GOLGA4: variants seen among roughly 807,000 people sequenced by gnomAD.
The protein encoded by GOLGA4 is golgin subfamily A member 4.
Under a neutral mutation model 265.9 loss-of-function variants are expected in GOLGA4, and 169 were observed. That is an observed-to-expected ratio of 0.64 (90% CI 0.56 to 0.72). The LOEUF is 0.72. Ranked by LOEUF, GOLGA4 falls within the 30% of genes least tolerant of loss-of-function variation. The pLI, the probability that GOLGA4 is intolerant of heterozygous loss-of-function variation, is 0.00. For missense variants in GOLGA4, 2,482 were observed against 2,483.4 expected, an observed-to-expected ratio of 1.00 and a Z score of 0.01; for synonymous variants, 923 against 855.8, an observed-to-expected ratio of 1.08 and a Z score of -1.37.
Position 37,276,173 on chromosome 3 carries a change from A to G in GOLGA4, c.163-5785A>G, listed in dbSNP as rs145010105. The G allele has an allele frequency of 6.7e-5, 107 of 1,595,184 alleles. 1 individual carries two copies. In the East Asian group the frequency reaches 2.1e-3, roughly 32 times the overall value. On this transcript the variant is annotated intron_variant, in intron 2 of 23. Transcript: ENST00000361924. Reference sequence around the variant, plus strand: ...TCGAACAGGGGATGACTACATTGCAATTGGAGCTGATGAGGAAGAATTAGG... The same window carrying G: ...TCGAACAGGGGATGACTACATTGCAGTTGGAGCTGATGAGGAAGAATTAGG...
chr3:37,328,493 C>T lies in GOLGA4; in HGVS notation c.6017C>T (p.Ala2006Val), dbSNP rs150286587. The change falls in exon 15 of 24, where the codon GCA becomes GTA. Residue 2006 changes from alanine (A) to valine (V), a missense_variant. By Grantham distance (64) the Ala-to-Val change is moderately conservative. Transcript: ENST00000361924. Reference sequence around the variant, plus strand: ...ATGAGGGAGTTTAATACACAGCTGGCACAAAAGGAACAAGAGCTGGAAATG... The same window carrying T: ...ATGAGGGAGTTTAATACACAGCTGGTACAAAAGGAACAAGAGCTGGAAATG... ...QLMREFNTQL[A>V]QKEQELEMTI... 95 of 1,612,134 alleles carry T rather than the reference C, an allele frequency of 5.9e-5. 1 individual carries two copies. The African/African-American group carries it at 1.2e-3, about 20-fold the overall frequency.
intron 21 of GOLGA4, among the ~76,000 whole-genome samples, chr3:37,351,486 G>A (rs1043834224): frequency 6.6e-6 from 1 of 152,084 alleles, no homozygotes; most frequent in African/African-American, 2.4e-5. Flanking sequence ...TCTCGAACAG[G>A]GAATCCTTTT....
rs369122237 is a variant in GOLGA4 at position 37,258,971 on chromosome 3, G to A, written c.162+7487G>A. 6.6e-5 allele frequency among the ~76,000 whole-genome samples: 10 copies of A among 152,042 alleles called. No individual in the cohort carries two copies. In the South Asian group the frequency reaches 2.1e-3, roughly 32 times the overall value. ...CTTTTTTTGTGATAATCTGGTTTTTGTATCAGTAATACAGCCCCCATGAAA... is the reference window on the plus strand; with the variant it reads ...CTTTTTTTGTGATAATCTGGTTTTTATATCAGTAATACAGCCCCCATGAAA... On this transcript the variant is annotated intron_variant, in intron 2 of 23. Coordinates refer to ENST00000361924, the MANE Select transcript of GOLGA4 (RefSeq NM_002078.5).
chr3:37,334,527 C>A lies in GOLGA4; in HGVS notation c.6193-526C>A, dbSNP rs1002810415. 5.3e-5 allele frequency among the ~76,000 whole-genome samples: 8 copies of A among 152,230 alleles called. No homozygotes were observed. The East Asian group carries it at 1.5e-3, about 29-fold the overall frequency. On this transcript the variant is annotated intron_variant, in intron 16 of 23. Coordinates refer to ENST00000361924, the MANE Select transcript of GOLGA4 (RefSeq NM_002078.5). Reference sequence around the variant, plus strand: ...TAAAGAGGGTGAGAAAAACTGAAAACCCCGTAACTTCTGTGATCAGTAAAT... The same window carrying A: ...TAAAGAGGGTGAGAAAAACTGAAAAACCCGTAACTTCTGTGATCAGTAAAT...
In GOLGA4 at chr3:37,337,644, A is replaced by G. The variant is rs1041204625; in HGVS notation, c.6328-22A>G. 6 of 1,552,900 alleles carry G rather than the reference A, an allele frequency of 3.9e-6. No homozygotes were observed. In the African/African-American group the frequency reaches 4.1e-5, roughly 10 times the overall value. On this transcript the variant is annotated intron_variant, in intron 18 of 23. Transcript: ENST00000361924. The stretch of plus-strand genomic sequence containing the variant: ...ATAATGAAACCTATGTGCATTTCAG[A>G]TCTGACTTTTTGTTCTTTCAGACAC...
chr3:37,244,423 AAGT>A (rs1348101419), intron 1 of GOLGA4, among the ~76,000 whole-genome samples: 3 of 152,206 alleles, frequency 2.0e-5, no homozygotes, highest in Non-Finnish European at 4.4e-5. Flanking sequence ...GAGGCGTGTT[AAGT>A]AGTATTAATT....
intron 2 of GOLGA4, among the ~76,000 whole-genome samples, chr3:37,272,767 AT>A (rs2096802270): frequency 6.6e-6 from 1 of 152,178 alleles, no homozygotes; most frequent in Non-Finnish European, 1.5e-5. Context: ...AGTGGTTGGC[AT>A]TTGGTGGAAT....
At chr3:37,243,798 T>G (rs2096710075) in intron 1 of GOLGA4, 176 bp downstream of exon 1, 4 of 595,572 alleles carry the variant, frequency 6.7e-6, no homozygotes, top group Non-Finnish European at 9.0e-6. Flanking sequence ...CCGTAACTCC[T>G]GACCTGGATT....
chr3:37,285,525 C>G (rs1247114468), intron 3 of GOLGA4, among the ~76,000 whole-genome samples: 6 of 152,194 alleles, frequency 3.9e-5, no homozygotes, highest in African/African-American at 1.4e-4. Flanking sequence ...TTTTAGAAAT[C>G]AATTACATGA....
intron 7 of GOLGA4, 47 bp downstream of exon 7, chr3:37,296,266 C>T (rs765114931): frequency 6.3e-7 from 1 of 1,589,964 alleles, no homozygotes; most frequent in East Asian, 2.2e-5. Context: ...TAGAGGAGAG[C>T]CAGGCTCCTT....
At chr3:37,343,701 C>T (rs1419620980) in intron 20 of GOLGA4, among the ~76,000 whole-genome samples, 2 of 152,220 alleles carry the variant, frequency 1.3e-5, no homozygotes, top group Admixed American at 6.5e-5. Context: ...TGGATTCTGT[C>T]TCCCTGGAGT....
At position 37,327,268 on chromosome 3, in the gene GOLGA4, A is replaced by G; in HGVS notation, c.5382A>G (p.Ile1794Met). The change falls in exon 14 of 24, where the codon ATA becomes ATG. Residue 1794 changes from isoleucine (I) to methionine (M), a missense_variant. By Grantham distance (10) the Ile-to-Met change is conservative (BLOSUM62 1). This residue lies in a region of GOLGA4 where 942 missense variants were observed against 983.1 expected (regional missense o/e 0.96). Coordinates refer to ENST00000361924, the MANE Select transcript of GOLGA4 (RefSeq NM_002078.5). ...AGCAACATGAAGATCAAAGTATGAT[A>G]GGTCATCTTCAAGAGGAGCTTGAAG... is the stretch of plus-strand genomic sequence containing the variant. Reference protein sequence around the residue: ...EAKQHEDQSMIGHLQEELEEK... With the variant: ...EAKQHEDQSMMGHLQEELEEK... 6.2e-7 allele frequency: 1 copy of G among 1,613,476 alleles called. No individual in the cohort carries two copies. Among genetic ancestry groups the G allele is most frequent in the Non-Finnish European group, 8.5e-7 (1 of 1,179,450 alleles).
intron 1 of GOLGA4, among the ~76,000 whole-genome samples, chr3:37,245,790 C>T (rs1421991362): frequency 2.6e-5 from 4 of 151,962 alleles, no homozygotes; most frequent in Admixed American, 6.5e-5. Flanking sequence ...TCTCCAACTC[C>T]GGACCTCTGG....
At chr3:37,342,786 A>G (rs2097041042) in intron 20 of GOLGA4, among the ~76,000 whole-genome samples, 1 of 152,236 alleles carries the variant, frequency 6.6e-6, no homozygotes, top group Non-Finnish European at 1.5e-5. Flanking sequence ...TTTTGTGCAT[A>G]TCCCATATTA....
chr3:37,299,884 TA>T (rs2096888265), intron 9 of GOLGA4, among the ~76,000 whole-genome samples: 1 of 145,200 alleles, frequency 6.9e-6, no homozygotes, highest in African/African-American at 2.6e-5. Flanking sequence ...ACCTCCTCTC[TA>T]CAAAAAAAAA....
chr3:37,278,362 G>C (rs2096825257), intron 2 of GOLGA4, among the ~76,000 whole-genome samples: 1 of 151,976 alleles, frequency 6.6e-6, no homozygotes, highest in Non-Finnish European at 1.5e-5. Context: ...ACCACGCCTG[G>C]CTAATTTTTT....
chr3:37,256,316 C>T (rs915825212), intron 2 of GOLGA4, among the ~76,000 whole-genome samples: 1 of 151,956 alleles, frequency 6.6e-6, no homozygotes, highest in African/African-American at 2.4e-5. Context: ...ATATTCCGTT[C>T]CACTGTTCTC....
rs772237947 is a variant in GOLGA4, at chr3:37,325,174, G to T, written c.3288G>T (p.Trp1096Cys). ...EKEEMNKEIT[W>C]LKEEGVKQDT... is the part of the protein sequence containing the mutation. Reference sequence around the variant, plus strand: ...AAGAGATGAACAAGGAAATAACATGGCTGAAGGAAGAAGGTGTTAAGCAGG... The same window carrying T: ...AAGAGATGAACAAGGAAATAACATGTCTGAAGGAAGAAGGTGTTAAGCAGG... Residue 1096 changes from tryptophan (W) to cysteine (C), a missense_variant, in exon 14 of 24, where the codon TGG becomes TGT. Around this residue, in one of 3 missense-constraint regions of GOLGA4, gnomAD observed 1,536 missense variants for 1,483.7 expected, o/e 1.04. Transcript: ENST00000361924. 2.6e-5 allele frequency: 42 copies of T among 1,613,658 alleles called. No homozygotes were observed. The highest frequency in any genetic ancestry group is 3.5e-5 in the Non-Finnish European group (41 of 1,179,848).
At chr3:37,285,944 T>A in intron 3 of GOLGA4, 70 bp from the exon 4 acceptor site, 3 of 915,642 alleles carry the variant, frequency 3.3e-6, no homozygotes, top group Non-Finnish European at 5.2e-6. Flanking sequence ...ATAAAGAGAA[T>A]TTTTTAGTGG....
Sources: allele counts gnomAD v4.1 joint callset (sites outside exome capture counted in the v4.1 genomes callset), GRCh38; gene constraint gnomAD v4.1.1; regional missense constraint gnomAD v4.1.1; transcripts MANE v1.5; gene names NCBI Gene and HGNC (gene_info 2026-07-23, HGNC 2026-07-21).